FAAH2: variants seen among roughly 807,000 people sequenced by gnomAD.
FAAH2 encodes fatty acid amide hydrolase 2.
FAAH2 carries 60 observed loss-of-function variants against 36.9 expected under a neutral mutation model. That is an observed-to-expected ratio of 1.63 (90% confidence interval 1.32 to 2.02). The LOEUF is 2.02. Among genes scored for constraint, FAAH2 ranks in the 30% most tolerant of loss-of-function variants. The pLI is 0.00. For missense variants in FAAH2, 689 were observed against 397.5 expected, an observed-to-expected ratio of 1.73 and a Z score of -6.23; for synonymous variants, 214 against 143.8, an observed-to-expected ratio of 1.49 and a Z score of -3.49.
chrX:57,287,373 CTA>C (rs1474639585), intron 1 of FAAH2, among the ~76,000 whole-genome samples: 4 of 111,104 alleles, frequency 3.6e-5, no homozygotes, highest in Non-Finnish European at 7.5e-5. Context: ...TTCTCTCTCT[CTA>C]TTCTTCCGTC....
the FAAH2 span, among the ~76,000 whole-genome samples, chrX:57,128,561 T>A: frequency 9.0e-6 from 1 of 111,232 alleles, no homozygotes; most frequent in Non-Finnish European, 1.9e-5. Flanking sequence ...ACTGATGAAG[T>A]GAAATAACAG....
chrX:57,152,000 A>G, the FAAH2 span, among the ~76,000 whole-genome samples: 1 of 111,580 alleles, frequency 9.0e-6, no homozygotes, highest in East Asian at 2.8e-4. Context: ...GGCCTGTTGG[A>G]GTTTGCTACA....
At chrX:57,346,683 G>A (rs1365886418) in intron 5 of FAAH2, among the ~76,000 whole-genome samples, 1 of 111,218 alleles carries the variant, frequency 9.0e-6, no homozygotes, top group Non-Finnish European at 1.9e-5. Flanking sequence ...ATTATCTGTG[G>A]GCTATTTGCT....
intron 7 of FAAH2, among the ~76,000 whole-genome samples, chrX:57,382,764 C>T (rs2054889981): frequency 9.0e-6 from 1 of 111,254 alleles, no homozygotes. Context: ...GGAGCTGGTA[C>T]CATTCCTTCT....
chrX:57,398,471 C>G (rs950958230), intron 7 of FAAH2, among the ~76,000 whole-genome samples: 1 of 111,757 alleles, frequency 8.9e-6, no homozygotes, highest in Non-Finnish European at 1.9e-5. Flanking sequence ...TTTCTTCTCC[C>G]TCAGGAATGG....
At chrX:57,344,579 C>G (rs1202409225) in intron 5 of FAAH2, among the ~76,000 whole-genome samples, 4 of 111,135 alleles carry the variant, frequency 3.6e-5, no homozygotes, top group African/African-American at 1.3e-4. Context: ...CCCTTTATTT[C>G]TTTCTCATGC....
intron 2 of FAAH2, 79 bp from the exon 3 acceptor site, chrX:57,310,514 G>T (rs1443411142): frequency 2.9e-6 from 3 of 1,040,413 alleles, no homozygotes; most frequent in Non-Finnish European, 3.8e-6. Flanking sequence ...ATATTAACAT[G>T]TTGATATGGG....
chrX:57,387,355 C>A (rs2055050628), intron 7 of FAAH2, among the ~76,000 whole-genome samples: 1 of 111,025 alleles, frequency 9.0e-6, no homozygotes, highest in East Asian at 2.8e-4. Context: ...TCTTGTAAAA[C>A]TCAAGGAGTG....
intron 3 of FAAH2, among the ~76,000 whole-genome samples, chrX:57,327,824 C>T (rs766805928): frequency 2.7e-5 from 3 of 111,700 alleles, no homozygotes; most frequent in African/African-American, 9.8e-5. Context: ...TAATCTGAAG[C>T]CTTCTTCTCT....
chrX:57,449,605 C>T (rs770553151), intron 10 of FAAH2, among the ~76,000 whole-genome samples: 2 of 111,290 alleles, frequency 1.8e-5, no homozygotes, highest in Non-Finnish European at 3.8e-5. Flanking sequence ...TACCCTTACT[C>T]TCTCCCTGGC....
In FAAH2 at chrX:57,352,744, A is replaced by G. The variant is rs191842620; in HGVS notation, c.742+11354A>G. ...ACTTCACCAAAAATATTTAAATTTGATAAATGAATTCAGGAAAGGTTCAAG... is the reference window on the plus strand; with the variant it reads ...ACTTCACCAAAAATATTTAAATTTGGTAAATGAATTCAGGAAAGGTTCAAG... On this transcript the variant is annotated intron_variant, in intron 5 of 10. Transcript: ENST00000374900. 4.0e-3 allele frequency among the ~76,000 whole-genome samples: 445 copies of G among 111,421 alleles called. 4 individuals carry two copies. Among genetic ancestry groups the G allele is most frequent in the African/African-American group, 0.013 (401 of 30,950 alleles).
chrX:57,311,977 A>C (rs1208316801), intron 3 of FAAH2, among the ~76,000 whole-genome samples: 2 of 112,165 alleles, frequency 1.8e-5, no homozygotes, highest in African/African-American at 6.5e-5. Context: ...GGAGAGATGC[A>C]TGGGTTTCTG....
At chrX:57,267,182 G>A in the FAAH2 span, among the ~76,000 whole-genome samples, 2 of 112,576 alleles carry the variant, frequency 1.8e-5, no homozygotes, top group Middle Eastern at 4.6e-3. Context: ...AGCTTCTCAT[G>A]AGCCCATGGC....
At position 57,458,338 on chromosome X, in the gene FAAH2, A is replaced by C. The variant is rs186163170; in HGVS notation, c.1423+9620A>C. Among the ~76,000 whole-genome samples, 4 of 111,726 alleles carry C rather than the reference A, an allele frequency of 3.6e-5. No homozygotes were observed. The East Asian group carries it at 1.1e-3, about 31-fold the overall frequency. On this transcript the variant is annotated intron_variant, in intron 10 of 10. Transcript: ENST00000374900. ...TTTAAATGTAAGACCTCAAACTATA[A>C]AAATATTGACAGATAGCTGGGCAGG...
the FAAH2 span, among the ~76,000 whole-genome samples, chrX:57,248,101 T>C: frequency 2.7e-5 from 3 of 112,022 alleles, no homozygotes; most frequent in Non-Finnish European, 5.6e-5. Flanking sequence ...GAGCTAACAT[T>C]CTAGAGAAGA....
chrX:57,157,073 A>G, the FAAH2 span, among the ~76,000 whole-genome samples: 1 of 112,125 alleles, frequency 8.9e-6, no homozygotes, highest in African/African-American at 3.2e-5. Flanking sequence ...AAGCTTCAGT[A>G]TTTGATCTGG....
chrX:57,334,542 G>A (rs1471463339), intron 4 of FAAH2, among the ~76,000 whole-genome samples: 1 of 110,136 alleles, frequency 9.1e-6, no homozygotes, highest in Non-Finnish European at 1.9e-5. Flanking sequence ...ATTAGAGAAA[G>A]ATTGAACAAA....
the FAAH2 span, among the ~76,000 whole-genome samples, chrX:57,142,472 G>C: frequency 8.9e-6 from 1 of 112,013 alleles, no homozygotes; most frequent in African/African-American, 3.2e-5. Context: ...AAAGATACTT[G>C]ATATAATTTT....
At chrX:57,326,995 G>A (rs911194556) in intron 3 of FAAH2, among the ~76,000 whole-genome samples, 2 of 105,915 alleles carry the variant, frequency 1.9e-5, no homozygotes, top group African/African-American at 7.1e-5. Context: ...TCCTTTCCAT[G>A]TTTAGTGCTT....
Sources: gnomAD v4.1 joint callset for allele counts (sites outside exome capture counted in the v4.1 genomes callset) on GRCh38, gnomAD v4.1.1 for gene constraint, MANE v1.5 for transcripts, NCBI Gene and HGNC (gene_info 2026-07-23, HGNC 2026-07-21) for gene names.